ITGB5: variants seen among roughly 807,000 people sequenced by gnomAD.
The protein encoded by ITGB5 is integrin subunit beta 5.
ITGB5 carries 38 observed loss-of-function variants against 84.8 expected under a neutral mutation model. The ratio of observed to expected loss-of-function variants is 0.45; its 90% CI spans 0.35 to 0.59. The LOEUF is 0.59. Among genes scored for constraint, ITGB5 ranks in the 20% least tolerant of loss-of-function variants. ITGB5 has a pLI of 0.01. For synonymous variants in ITGB5, 393 were observed against 414.4 expected (o/e 0.95, Z 0.63); for missense variants, 905 against 1,034.5 (o/e 0.87, Z 1.72).
chr3:124,842,425 C>T (rs2065022938), intron 4 of ITGB5, among the ~76,000 whole-genome samples: 1 of 152,168 alleles, frequency 6.6e-6, no homozygotes, highest in South Asian at 2.1e-4. Flanking sequence ...GAAGAGAGAG[C>T]TTATATTGTT....
chr3:124,854,910 T>C (rs1368563658), intron 3 of ITGB5, among the ~76,000 whole-genome samples: 2 of 152,246 alleles, frequency 1.3e-5, no homozygotes, highest in Non-Finnish European at 2.9e-5. Flanking sequence ...AGGCTTGTCC[T>C]TGATTAGTCT....
intron 3 of ITGB5, among the ~76,000 whole-genome samples, 155 bp from the exon 4 acceptor site, chr3:124,848,713 G>A (rs1033732752): frequency 2.2e-4 from 34 of 152,210 alleles, no homozygotes; most frequent in African/African-American, 8.0e-4. Context: ...TGCCTGAAGG[G>A]AATACGGTGC....
chr3:124,836,067 C>A, intron 5 of ITGB5, among the ~76,000 whole-genome samples: 1 of 152,190 alleles, frequency 6.6e-6, no homozygotes, highest in Non-Finnish European at 1.5e-5. Context: ...CAGTCCCATG[C>A]CTCCCTGCAT....
chr3:124,783,335 G>C (rs1285481906), intron 10 of ITGB5, among the ~76,000 whole-genome samples: 1 of 146,362 alleles, frequency 6.8e-6, no homozygotes, highest in Non-Finnish European at 1.5e-5. Context: ...AGATTAAACA[G>C]ACCTGAGCAT....
intron 12 of ITGB5, among the ~76,000 whole-genome samples, chr3:124,767,271 G>A (rs1247089982): frequency 5.9e-5 from 9 of 152,204 alleles, no homozygotes; most frequent in Non-Finnish European, 1.0e-4. Flanking sequence ...GCTGCTAGAC[G>A]GAGCTGTAAC....
intron 9 of ITGB5, among the ~76,000 whole-genome samples, chr3:124,806,108 T>C (rs1441520350): frequency 6.6e-6 from 1 of 152,178 alleles, no homozygotes; most frequent in Non-Finnish European, 1.5e-5. Flanking sequence ...TCAGAAAACA[T>C]GTTCACCCAG....
At position 124,799,369 on chromosome 3, in the gene ITGB5, G is replaced by A. The variant is rs564141301; in HGVS notation, c.1264-2552C>T. 2.2e-4 allele frequency among the ~76,000 whole-genome samples: 33 copies of A among 152,244 alleles called. No individual in the cohort carries two copies. The East Asian group carries it at 6.4e-3, about 29-fold the overall frequency. On this transcript the variant is annotated intron_variant, in intron 9 of 14. Coordinates refer to ENST00000296181, the MANE Select transcript of ITGB5 (RefSeq NM_002213.5). ...AGGCCAGGAGTTCGAGACCAACCTG[G>A]ACAACATGGCAAAACCCCATCTCTA... is the stretch of plus-strand genomic sequence containing the variant.
In ITGB5 at chr3:124,799,593, A is replaced by G. The variant is rs556903720; in HGVS notation, c.1264-2776T>C. On this transcript the variant is annotated intron_variant, in intron 9 of 14. Transcript: ENST00000296181. ...AAAAAAAGCAAAACAAAACACTAAT[A>G]ATTATTAGTTGCCAAGTGCCTACTA... Among the ~76,000 whole-genome samples, 33 of 152,198 alleles carry G rather than the reference A, an allele frequency of 2.2e-4. No homozygotes were observed. In the East Asian group the frequency reaches 6.4e-3, roughly 29 times the overall value.
intron 4 of ITGB5, among the ~76,000 whole-genome samples, chr3:124,847,777 C>A (rs1038215816): frequency 6.6e-6 from 1 of 152,002 alleles, no homozygotes; most frequent in Non-Finnish European, 1.5e-5. Flanking sequence ...GTTAGAGACA[C>A]CTGTTTTCTA....
At chr3:124,788,821 C>G (rs2064117942) in intron 10 of ITGB5, among the ~76,000 whole-genome samples, 1 of 152,198 alleles carries the variant, frequency 6.6e-6, no homozygotes, top group Admixed American at 6.5e-5. Context: ...CGAAGAATTT[C>G]TAGGTGCTCC....
In ITGB5 at chr3:124,843,358, GT is replaced by G. The variant is rs371869482; in HGVS notation, c.612-1808del. ...CATGATTTAGGACTTCAGGTGTGTG[GT>G]TTTTTTACACTTGGTCCGGTTGGTT... On this transcript the variant is annotated intron_variant, in intron 4 of 14. Transcript: ENST00000296181. 6.3e-3 allele frequency among the ~76,000 whole-genome samples: 966 copies of G among 152,222 alleles called. 8 individuals are homozygous for G. The highest frequency in any genetic ancestry group is 0.022 in the African/African-American group (894 of 41,518).
intron 3 of ITGB5, among the ~76,000 whole-genome samples, chr3:124,853,792 T>C (rs1275793907): frequency 6.6e-6 from 1 of 152,216 alleles, no homozygotes; most frequent in Non-Finnish European, 1.5e-5. Flanking sequence ...ATTAAGATGC[T>C]ATCATTGAGG....
At chr3:124,871,097 C>T (rs187624036) in intron 2 of ITGB5, among the ~76,000 whole-genome samples, 1 of 152,132 alleles carries the variant, frequency 6.6e-6, no homozygotes, top group African/African-American at 2.4e-5. Context: ...CGTCATGTTG[C>T]CCAGACCGGT....
At chr3:124,830,028 A>T (rs994323936) in intron 5 of ITGB5, among the ~76,000 whole-genome samples, 3 of 152,160 alleles carry the variant, frequency 2.0e-5, no homozygotes, top group African/African-American at 7.2e-5. Context: ...GTGAAGACAG[A>T]CTCGCTGGCT....
intron 2 of ITGB5, among the ~76,000 whole-genome samples, chr3:124,870,728 A>C (rs1441644287): frequency 6.6e-6 from 1 of 151,498 alleles, no homozygotes; most frequent in East Asian, 1.9e-4. Flanking sequence ...CCCATCTCAA[A>C]AGAAAAAAAA....
At chr3:124,858,605 G>C (rs2065251799) in intron 3 of ITGB5, among the ~76,000 whole-genome samples, 1 of 152,138 alleles carries the variant, frequency 6.6e-6, no homozygotes, top group South Asian at 2.1e-4. Flanking sequence ...TGTGAAACTT[G>C]AAAACATTAC....
intron 10 of ITGB5, among the ~76,000 whole-genome samples, chr3:124,788,458 C>A (rs888126326): frequency 6.6e-6 from 1 of 152,192 alleles, no homozygotes; most frequent in Non-Finnish European, 1.5e-5. Flanking sequence ...AAGGAACATG[C>A]ATTGTCCTTA....
intron 5 of ITGB5, among the ~76,000 whole-genome samples, chr3:124,834,578 G>T (rs1221790988): frequency 1.2e-5 from 1 of 81,698 alleles, no homozygotes; most frequent in African/African-American, 5.0e-5. Context: ...AGGAAGGAAG[G>T]AAGGAAAGAA....
In ITGB5 at chr3:124,809,028, C is replaced by G; in HGVS notation, c.1257G>C (p.Gly419=). 1 of 1,613,926 alleles carries G rather than the reference C, an allele frequency of 6.2e-7. No individual in the cohort carries two copies. Among genetic ancestry groups the G allele is most frequent in the Non-Finnish European group, 8.5e-7 (1 of 1,179,946 alleles). ...AACTTGGGGTGAGACTTACCGTGTC[C>G]CCAATCTTCAGACCCTCACACTTCC... ...GQRKCEGLKI[G]DTASFEVSLE... The change falls in exon 9 of 15, where the codon GGG becomes GGC. Residue 419 remains glycine, a synonymous_variant. Transcript: ENST00000296181.
Sources: gnomAD v4.1 joint callset for allele counts (sites outside exome capture counted in the v4.1 genomes callset) on GRCh38, gnomAD v4.1.1 for gene constraint, MANE v1.5 for transcripts, NCBI Gene and HGNC (gene_info 2026-07-23, HGNC 2026-07-21) for gene names.